PROKR2: variants seen among roughly 807,000 people sequenced by gnomAD.
PROKR2 encodes G protein-coupled receptor 73-like 1.
Under a neutral mutation model 23.4 loss-of-function variants are expected in PROKR2, and 26 were observed. That is an observed-to-expected ratio of 1.11 (90% CI 0.81 to 1.54). PROKR2 has a LOEUF of 1.54. PROKR2 is among the 40% of genes most tolerant of loss of function. The probability of loss-of-function intolerance (pLI) is 0.00; values close to 1 mark genes in which losing one functional copy is unlikely to be tolerated. For missense variants in PROKR2, 453 were observed against 511.5 expected (o/e 0.89, Z 1.10); for synonymous variants, 212 against 201.2 (o/e 1.05, Z -0.45).
chr20:5,308,548 CTTG>C (rs1468789307), intron 2 of PROKR2, among the ~76,000 whole-genome samples: 1 of 152,162 alleles, frequency 6.6e-6, no homozygotes, highest in Non-Finnish European at 1.5e-5. Flanking sequence ...TAATGACTGG[CTTG>C]TTGTTAATAA....
chr20:5,299,979 A>G lies in PROKR2; in HGVS notation c.*2061T>C, dbSNP rs1978926881. ...GAAGGTGAGTCTGCTGGGTGGTGAT[A>G]GAAAGAAATATTGGTTGAAACTTCA... On this transcript the variant is annotated 3_prime_UTR_variant, in exon 3 of 3. Transcript: ENST00000678254. 1.3e-5 allele frequency among the ~76,000 whole-genome samples: 2 copies of G among 152,240 alleles called. No individual in the cohort carries two copies. Among genetic ancestry groups the G allele is most frequent in the South Asian group, 4.1e-4 (2 of 4,832 alleles).
rs765227367 is a variant in PROKR2 at position 5,300,892 on chromosome 20, T to C, written c.*1148A>G. On this transcript the variant is annotated 3_prime_UTR_variant, in exon 3 of 3. Transcript: ENST00000678254. ...ATCCTTTGCACTGAGGAGGCAAAAA[T>C]TGACACCTCAGGATTACCCATCTCC... 6.6e-6 allele frequency among the ~76,000 whole-genome samples: 1 copy of C among 152,170 alleles called. No individual in the cohort carries two copies. Among genetic ancestry groups the C allele is most frequent in the Admixed American group, 6.5e-5 (1 of 15,280 alleles).
rs929434707 is a variant in PROKR2 at position 5,300,171 on chromosome 20, G to C, written c.*1869C>G. Among the ~76,000 whole-genome samples, 1 of 144,232 alleles carries C rather than the reference G, an allele frequency of 6.9e-6. No homozygotes were observed. The highest frequency in any genetic ancestry group is 1.5e-5 in the Non-Finnish European group (1 of 65,932). 94.6% of individuals were successfully genotyped at this position (144,232 alleles called of 152,430 possible). ...ATGAATCAAGAAGAAATGAAGACGT[G>C]TACCTACAGTTACCACAAATGTATA... is the stretch of plus-strand genomic sequence containing the variant. On this transcript the variant is annotated 3_prime_UTR_variant, in exon 3 of 3. Coordinates refer to ENST00000678254, the MANE Select transcript of PROKR2 (RefSeq NM_144773.4).
rs754675503 is a variant in PROKR2 at position 5,314,193 on chromosome 20, T to C, written c.177A>G (p.Ala59=). ...CGCAGACCAGCATGATGCCTGCCAG[T>C]GCAATGCCAATGACGATCTTGGCTG... ...FFAAKIVIGI[A]LAGIMLVCGI... Residue 59 remains alanine, a synonymous_variant, in exon 2 of 3, where the codon GCA becomes GCG. Transcript: ENST00000678254. 7.4e-5 allele frequency: 120 copies of C among 1,614,088 alleles called. No individual in the cohort carries two copies. The highest frequency in any genetic ancestry group is 9.6e-5 in the Non-Finnish European group (113 of 1,180,040).
Position 5,312,590 on chromosome 20 carries a change from C to T in PROKR2, c.458+1322G>A, listed in dbSNP as rs75861256. ...AAGGAAGGAGGATGCTTCCTACACC[C>T]GTCTGTGTATTTTATTACTAAAATG... is the stretch of plus-strand genomic sequence containing the variant. On this transcript the variant is annotated intron_variant, in intron 2 of 2. Transcript: ENST00000678254. Among the ~76,000 whole-genome samples, 336 of 152,174 alleles carry T rather than the reference C, an allele frequency of 2.2e-3. 4 individuals are homozygous for T. The South Asian group carries it at 0.034, about 16-fold the overall frequency.
chr20:5,301,746 G>C lies in PROKR2; in HGVS notation c.*294C>G, dbSNP rs925092472. Among the ~76,000 whole-genome samples, 1 of 152,140 alleles carries C rather than the reference G, an allele frequency of 6.6e-6. No individual in the cohort carries two copies. Among genetic ancestry groups the C allele is most frequent in the African/African-American group, 2.4e-5 (1 of 41,422 alleles). On this transcript the variant is annotated 3_prime_UTR_variant, in exon 3 of 3. Coordinates refer to ENST00000678254, the MANE Select transcript of PROKR2 (RefSeq NM_144773.4). Reference sequence around the variant, plus strand: ...CCTGCTGTCCCTGTCTAATCTCATTGGTGTGGTTTGCACACAGTACATGTT... The same window carrying C: ...CCTGCTGTCCCTGTCTAATCTCATTCGTGTGGTTTGCACACAGTACATGTT...
chr20:5,303,636 A>G (rs1327818485), intron 2 of PROKR2, among the ~76,000 whole-genome samples: 1 of 152,236 alleles, frequency 6.6e-6, no homozygotes, highest in East Asian at 1.9e-4. Flanking sequence ...AGAGAGACCT[A>G]ATGACACCTA....
In PROKR2 at chr20:5,316,867, G is replaced by C. The variant is rs531416962; in HGVS notation, c.-382C>G. ...TCTCGGGCTGGTGCGTCCAGGGCGC[G>C]GGCACCGTAGCTCCGGCCGCGCTGA... On this transcript the variant is annotated 5_prime_UTR_variant, in exon 1 of 3. Transcript: ENST00000678254. This position sits in a 1 kb window ranked among gnomAD's most constrained non-coding sequence, Gnocchi z 5.0. Among the ~76,000 whole-genome samples, 39 of 152,360 alleles carry C rather than the reference G, an allele frequency of 2.6e-4. No individual in the cohort carries two copies. Among genetic ancestry groups the C allele is most frequent in the Admixed American group, 6.5e-4 (10 of 15,310 alleles).
At chr20:5,311,491 C>A (rs1221555451) in intron 2 of PROKR2, among the ~76,000 whole-genome samples, 1 of 152,140 alleles carries the variant, frequency 6.6e-6, no homozygotes, top group Non-Finnish European at 1.5e-5. Context: ...CCAAACCAAA[C>A]CAGCATTATA....
At chr20:5,304,837 T>G (rs546439415) in intron 2 of PROKR2, among the ~76,000 whole-genome samples, 2 of 152,334 alleles carry the variant, frequency 1.3e-5, no homozygotes, top group East Asian at 3.9e-4. Context: ...TAATCCCGAT[T>G]GCCAGGCTGC....
rs1319751725 is a variant in PROKR2 at position 5,316,467 on chromosome 20, C to A, written c.-9+27G>T. ...CTCCCCCACCGCACCGACTGAGTCC[C>A]GGGACTGCAGGGATCTAAGCCCTTA... On this transcript the variant is annotated intron_variant, in intron 1 of 2. Coordinates refer to ENST00000678254, the MANE Select transcript of PROKR2 (RefSeq NM_144773.4). This position sits in a 1 kb window ranked among gnomAD's most constrained non-coding sequence, Gnocchi z 5.0. 2.3e-6 allele frequency: 1 copy of A among 439,374 alleles called. No individual in the cohort carries two copies. Among genetic ancestry groups the A allele is most frequent in the East Asian group, 7.0e-5 (1 of 14,258 alleles). The allele number at this position is 439,374 out of a possible 1,614,324, so 27.2% of individuals were successfully genotyped here. A position where few individuals can be genotyped will look rare whatever the true frequency, so the allele number is the denominator to read the frequency against.
intron 2 of PROKR2, 151 bp from the exon 3 acceptor site, chr20:5,302,887 A>T (rs1979065941): frequency 1.5e-6 from 1 of 663,846 alleles, no homozygotes; most frequent in East Asian, 2.7e-5. Context: ...TTTTAGCAAC[A>T]TCATTTGGCA....
At chr20:5,311,467 T>C (rs867018386) in intron 2 of PROKR2, among the ~76,000 whole-genome samples, 1 of 152,158 alleles carries the variant, frequency 6.6e-6, no homozygotes, top group Non-Finnish European at 1.5e-5. Context: ...ACTCCAGTGC[T>C]ACAAAAAATG....
chr20:5,315,822 C>T, intron 1 of PROKR2: 1 of 456,672 alleles, frequency 2.2e-6, no homozygotes, highest in South Asian at 1.5e-5. Context: ...GCAGCCTCTG[C>T]TCAGCGTGGG....
At chr20:5,308,589 T>C (rs1979317253) in intron 2 of PROKR2, among the ~76,000 whole-genome samples, 1 of 152,220 alleles carries the variant, frequency 6.6e-6, no homozygotes. Flanking sequence ...TGTTCGGGGC[T>C]CTCAGCTCTG....
intron 1 of PROKR2, chr20:5,315,921 A>G (rs1600590633): frequency 2.2e-6 from 1 of 456,242 alleles, no homozygotes; most frequent in Non-Finnish European, 4.4e-6. Context: ...GACAGGTCCC[A>G]GCCGCATTTT....
chr20:5,301,965 G>T lies in PROKR2; in HGVS notation c.*75C>A. On this transcript the variant is annotated 3_prime_UTR_variant, in exon 3 of 3. Coordinates refer to ENST00000678254, the MANE Select transcript of PROKR2 (RefSeq NM_144773.4). Reference sequence around the variant, plus strand: ...GAACACAGATGTCATTTCCCATGCAGCCTATGAACTTGGTTGATGGTGGGT... The same window carrying T: ...GAACACAGATGTCATTTCCCATGCATCCTATGAACTTGGTTGATGGTGGGT... 1.5e-6 allele frequency: 2 copies of T among 1,351,322 alleles called. No individual in the cohort carries two copies. Among genetic ancestry groups the T allele is most frequent in the Non-Finnish European group, 2.1e-6 (2 of 961,858 alleles). 83.7% of individuals were successfully genotyped at this position (1,351,322 alleles called of 1,614,324 possible).
At chr20:5,315,791 T>C in intron 1 of PROKR2, 1 of 454,472 alleles carries the variant, frequency 2.2e-6, no homozygotes. Flanking sequence ...CCCCTCCGTC[T>C]CATGCGACAC....
intron 2 of PROKR2, among the ~76,000 whole-genome samples, chr20:5,306,464 G>C (rs560733320): frequency 5.3e-5 from 8 of 152,216 alleles, no homozygotes; most frequent in Non-Finnish European, 1.2e-4. Context: ...GCAAGACTGT[G>C]AATGGTTTGC....
Sources: gnomAD v4.1 joint callset for allele counts (sites outside exome capture counted in the v4.1 genomes callset) on GRCh38, gnomAD v4.1.1 for gene constraint, Gnocchi (gnomAD v3.1) non-coding constraint, MANE v1.5 for transcripts, NCBI Gene and HGNC (gene_info 2026-07-23, HGNC 2026-07-21) for gene names.